Variants in ACOT12 observed in about 807,000 individuals in gnomAD.
ACOT12 encodes the protein acetyl-coenzyme A thioesterase.
In ACOT12, 51 loss-of-function variants were observed where a neutral mutation model predicts 67.7. The ratio of observed to expected loss-of-function variants is 0.75; its 90% CI spans 0.60 to 0.95. ACOT12 has a LOEUF of 0.95. Among genes scored for constraint, ACOT12 ranks in the 40% least tolerant of loss-of-function variants. The pLI is 0.00. For missense variants in ACOT12, 734 were observed against 708.1 expected, an observed-to-expected ratio of 1.04 and a Z score of -0.41; for synonymous variants, 251 against 244.6, an observed-to-expected ratio of 1.03 and a Z score of -0.24.
At chr5:81,321,981 G>A in the ACOT12 span, among the ~76,000 whole-genome samples, 4 of 152,012 alleles carry the variant, frequency 2.6e-5, no homozygotes, top group Non-Finnish European at 5.9e-5. Context: ...ACACTGAACT[G>A]GAAGATGAAT....
chr5:81,344,067 G>C, intron 9 of ACOT12, 93 bp downstream of exon 9: 1 of 1,395,138 alleles, frequency 7.2e-7, no homozygotes, highest in Non-Finnish European at 9.9e-7. Flanking sequence ...CTCTTTTTCC[G>C]TTACGTGGGA....
chr5:81,350,301 A>G (rs1302937662), intron 5 of ACOT12, among the ~76,000 whole-genome samples: 1 of 152,094 alleles, frequency 6.6e-6, no homozygotes, highest in African/African-American at 2.4e-5. Flanking sequence ...TCTTTTTTAT[A>G]GAAATCGTCT....
At chr5:81,331,527 TA>T (rs1758828314) in intron 13 of ACOT12, among the ~76,000 whole-genome samples, 1 of 152,132 alleles carries the variant, frequency 6.6e-6, no homozygotes, top group Admixed American at 6.5e-5. Flanking sequence ...ACACATCATC[TA>T]AAATAATAAT....
the ACOT12 span, among the ~76,000 whole-genome samples, chr5:81,317,652 G>C: frequency 1.3e-5 from 2 of 152,162 alleles, no homozygotes; most frequent in African/African-American, 4.8e-5. Flanking sequence ...GAGAGATAGA[G>C]TGAAGGGGGA....
intron 3 of ACOT12, among the ~76,000 whole-genome samples, chr5:81,371,537 G>A (rs1441878046): frequency 2.0e-5 from 3 of 152,150 alleles, no homozygotes; most frequent in Non-Finnish European, 4.4e-5. Context: ...ATAGGTGTGA[G>A]CTACCATGCC....
chr5:81,322,812 G>A, the ACOT12 span, among the ~76,000 whole-genome samples: 1 of 152,196 alleles, frequency 6.6e-6, no homozygotes, highest in Non-Finnish European at 1.5e-5. Flanking sequence ...TGGAGTGAAT[G>A]CCAGCAGGGG....
downstream of ACOT12, among the ~76,000 whole-genome samples, chr5:81,326,195 G>A (rs927001227): frequency 5.0e-5 from 7 of 139,114 alleles, no homozygotes; most frequent in Admixed American, 3.4e-4. Flanking sequence ...GCATGATCTC[G>A]GCTCACTGCA....
chr5:81,349,947 T>C (rs1307959146), intron 5 of ACOT12, among the ~76,000 whole-genome samples: 1 of 152,210 alleles, frequency 6.6e-6, no homozygotes, highest in Non-Finnish European at 1.5e-5. Context: ...TCCAGTTTGG[T>C]GGGTGTGGAA....
chr5:81,324,814 G>A, the ACOT12 span, among the ~76,000 whole-genome samples: 2 of 152,168 alleles, frequency 1.3e-5, no homozygotes, highest in Non-Finnish European at 1.5e-5. Context: ...GTCAAGAACA[G>A]GGCCATTAGA....
chr5:81,357,082 C>T (rs533359499), intron 5 of ACOT12, among the ~76,000 whole-genome samples: 1 of 152,188 alleles, frequency 6.6e-6, no homozygotes, highest in South Asian at 2.1e-4. Flanking sequence ...CTTCCCAGCA[C>T]ACAGTGTGCT....
intron 2 of ACOT12, among the ~76,000 whole-genome samples, chr5:81,380,691 T>C (rs1438509928): frequency 6.6e-6 from 1 of 150,806 alleles, no homozygotes; most frequent in Non-Finnish European, 1.5e-5. Flanking sequence ...GGAAACAATA[T>C]AAATGTTCAT....
chr5:81,367,950 T>C lies in ACOT12; in HGVS notation c.258+3800A>G, dbSNP rs1200179636. On this transcript the variant is annotated intron_variant, in intron 3 of 14. Transcript: ENST00000307624. ...TAGATTTTAAAACAAAAACCAGAGA[T>C]AAAAAGGCAAACTTCATAATGATAA... 2.6e-5 allele frequency among the ~76,000 whole-genome samples: 4 copies of C among 152,060 alleles called. 1 individual carries two copies. Among genetic ancestry groups the C allele is most frequent in the East Asian group, 3.9e-4 (2 of 5,168 alleles).
chr5:81,333,977 G>A (rs1580528147), intron 12 of ACOT12, among the ~76,000 whole-genome samples: 1 of 152,212 alleles, frequency 6.6e-6, no homozygotes, highest in East Asian at 1.9e-4. Flanking sequence ...GAACAGAGGA[G>A]CACACTGCCA....
intron 2 of ACOT12, among the ~76,000 whole-genome samples, chr5:81,385,045 TCTCTA>T (rs1760690910): frequency 6.6e-6 from 1 of 152,210 alleles, no homozygotes. Context: ...TAATTTACTC[TCTCTA>T]CTCAGATGAA....
chr5:81,342,736 T>C lies in ACOT12; in HGVS notation c.1064A>G (p.Asn355Ser), dbSNP rs1234395714. Reference protein sequence around the residue: ...ISKQASLSDSNVEALKKLAAK... With the variant: ...ISKQASLSDSSVEALKKLAAK... The stretch of plus-strand genomic sequence containing the variant: ...TGCCAGTTTTTTGAGGGCCTCCACA[T>C]TGCTGTCACTCAGGGATGCCTAGAA... Residue 355 changes from asparagine (N) to serine (S), a missense_variant, in exon 11 of 15, where the codon AAT becomes AGT. Coordinates refer to ENST00000307624, the MANE Select transcript of ACOT12 (RefSeq NM_130767.3). 6 of 1,614,018 alleles carry C rather than the reference T, an allele frequency of 3.7e-6. No homozygotes were observed. The highest frequency in any genetic ancestry group is 4.2e-6 in the Non-Finnish European group (5 of 1,180,000).
intron 2 of ACOT12, among the ~76,000 whole-genome samples, chr5:81,380,096 T>C (rs1048394260): frequency 2.0e-5 from 3 of 152,238 alleles, no homozygotes; most frequent in Admixed American, 2.0e-4. Flanking sequence ...TTAATTCCTA[T>C]ATTAGAAATC....
intron 1 of ACOT12, among the ~76,000 whole-genome samples, chr5:81,393,128 G>C (rs1760907063): frequency 6.6e-6 from 1 of 152,286 alleles, no homozygotes; most frequent in Non-Finnish European, 1.5e-5. Flanking sequence ...ACACAGTGGA[G>C]TTTTCCAGAG....
chr5:81,339,537 C>T lies in ACOT12; in HGVS notation c.1128+3135G>A, dbSNP rs566043183. 3.3e-5 allele frequency among the ~76,000 whole-genome samples: 5 copies of T among 152,312 alleles called. No individual in the cohort carries two copies. The South Asian group carries it at 6.2e-4, about 19-fold the overall frequency. On this transcript the variant is annotated intron_variant, in intron 11 of 14. Coordinates refer to ENST00000307624, the MANE Select transcript of ACOT12 (RefSeq NM_130767.3). ...TGCCTAGAAAGCCCTATTTCTCCCT[C>T]AGCAATCCACTCCTGACACTGTCTT...
chr5:81,380,527 G>T (rs1261699388), intron 2 of ACOT12, among the ~76,000 whole-genome samples: 7 of 143,872 alleles, frequency 4.9e-5, no homozygotes, highest in African/African-American at 1.8e-4. Context: ...TCGTGCCATT[G>T]CACTTCAGCC....
Sources: gnomAD v4.1 joint callset for allele counts (sites outside exome capture counted in the v4.1 genomes callset) on GRCh38, gnomAD v4.1.1 for gene constraint, MANE v1.5 for transcripts, NCBI Gene and HGNC (gene_info 2026-07-23, HGNC 2026-07-21) for gene names.